PGM1: variants seen among roughly 807,000 people sequenced by gnomAD.
The protein encoded by PGM1 is phosphoglucomutase 1.
A neutral mutation model predicts 55.6 loss-of-function variants in PGM1; 52 were observed. The observed-to-expected ratio is 0.94, with a 90% CI of 0.75 to 1.18. The LOEUF (loss-of-function observed/expected upper bound fraction) is 1.18. PGM1 is among the 50% of genes most tolerant of loss of function. The pLI, the probability that PGM1 is intolerant of heterozygous loss-of-function variation, is 0.00. For synonymous variants in PGM1, 287 were observed against 271.7 expected, an observed-to-expected ratio of 1.06 and a Z score of -0.55; for missense variants, 724 against 729.3, an observed-to-expected ratio of 0.99 and a Z score of 0.08.
chr1:63,648,623 G>A lies in PGM1; in HGVS notation c.1251G>A (p.Trp417Ter). The A allele has an allele frequency of 6.2e-7, 1 of 1,614,074 alleles. No individual in the cohort carries two copies. Among genetic ancestry groups the A allele is most frequent in the South Asian group, 1.1e-5 (1 of 91,080 alleles). ...TGGAGGACATTCTCAAAGATCATTG[G>A]CAAAAGTATGGCCGGAATTTCTTCA... The part of the protein sequence containing the change: ...QSVEDILKDH[W>*]QKYGRNFFTR... The change falls in exon 8 of 11, where the codon TGG (tryptophan) becomes TGA (stop). Residue 417 changes from tryptophan to a stop codon, truncating the protein, a stop_gained. Transcript: ENST00000371084. LOFTEE classifies it high-confidence loss of function.
chr1:63,636,818 A>C (rs537669947), intron 6 of PGM1, among the ~76,000 whole-genome samples: 2 of 152,350 alleles, frequency 1.3e-5, no homozygotes, highest in South Asian at 4.1e-4. Context: ...CAATGGAAGT[A>C]CTCAAGACAT....
chr1:63,613,532 C>T (rs1197651462), intron 1 of PGM1, among the ~76,000 whole-genome samples: 1 of 151,894 alleles, frequency 6.6e-6, no homozygotes, highest in Admixed American at 6.6e-5. Context: ...GCATTCTTCC[C>T]TATGTATCTC....
chr1:63,623,656 G>A (rs1648945234), intron 1 of PGM1: 24 of 1,612,314 alleles, frequency 1.5e-5, no homozygotes, highest in Non-Finnish European at 2.0e-5. Flanking sequence ...CTTTTCCATA[G>A]ACCTAAAAGA....
At chr1:63,631,303 G>A (rs1425276313) in intron 3 of PGM1, among the ~76,000 whole-genome samples, 1 of 152,180 alleles carries the variant, frequency 6.6e-6, no homozygotes, top group African/African-American at 2.4e-5. Context: ...TCAAGATGAC[G>A]AATGGGGAAG....
rs769253396 is a variant in PGM1, at chr1:63,623,497, A to G, written c.247-5928A>G. On this transcript the variant is annotated intron_variant, in intron 1 of 10. Coordinates refer to ENST00000371084, the MANE Select transcript of PGM1 (RefSeq NM_002633.3). Reference sequence around the variant, plus strand: ...TGAAGAATGGATTTCTGGGACATATAGAAAAATGGAAGAAGGTCCTCTCCC... The same window carrying G: ...TGAAGAATGGATTTCTGGGACATATGGAAAAATGGAAGAAGGTCCTCTCCC... 5 of 1,612,642 alleles carry G rather than the reference A, an allele frequency of 3.1e-6. No homozygotes were observed. The South Asian group carries it at 3.3e-5, about 11-fold the overall frequency.
At chr1:63,621,174 T>C (rs1570486148) in intron 1 of PGM1, among the ~76,000 whole-genome samples, 1 of 152,168 alleles carries the variant, frequency 6.6e-6, no homozygotes, top group East Asian at 1.9e-4. Flanking sequence ...TGGTATAGTT[T>C]TGCATATTGA....
In PGM1 at chr1:63,593,644, GC is replaced by G. The variant is rs917119835; in HGVS notation, c.157del (p.Gln53ArgfsTer15). 57 of 1,610,854 alleles carry G rather than the reference GC, an allele frequency of 3.5e-5. No homozygotes were observed. Among genetic ancestry groups the G allele is most frequent in the Non-Finnish European group, 4.3e-5 (51 of 1,178,924 alleles). On this transcript the variant is annotated frameshift_variant, in exon 1 of 11. Transcript: ENST00000371084. LOFTEE classifies it high-confidence loss of function. ...TCTCCACCGTGGAGCCGGCGCAGCG[GC>G]AGGAGGCCACGCTGGTGGTGGGCGG... The part of the protein sequence containing the change: ...IISTVEPAQR[Q>X]EATLVVGGDG...
chr1:63,649,379 G>A (rs1485591625), intron 8 of PGM1, among the ~76,000 whole-genome samples: 1 of 152,154 alleles, frequency 6.6e-6, no homozygotes, highest in African/African-American at 2.4e-5. Context: ...TTTGACAGTA[G>A]TACTTTTCAC....
intron 1 of PGM1, among the ~76,000 whole-genome samples, chr1:63,619,304 G>A (rs1418696088): frequency 6.6e-6 from 1 of 152,236 alleles, no homozygotes; most frequent in Non-Finnish European, 1.5e-5. Flanking sequence ...TGAGTAGAAA[G>A]CACAGTATGG....
At chr1:63,640,945 T>G (rs1480153345) in intron 7 of PGM1, among the ~76,000 whole-genome samples, 2 of 152,202 alleles carry the variant, frequency 1.3e-5, no homozygotes, top group East Asian at 1.9e-4. Context: ...TTATTTCTAG[T>G]GATTAGGACA....
At chr1:63,614,690 G>A (rs996600788) in intron 1 of PGM1, among the ~76,000 whole-genome samples, 1 of 152,080 alleles carries the variant, frequency 6.6e-6, no homozygotes, top group African/African-American at 2.4e-5. Flanking sequence ...ATGATATACA[G>A]ACAGTTCACT....
intron 1 of PGM1, among the ~76,000 whole-genome samples, chr1:63,604,959 G>GTGTGTGTGTGTGTGTGTATT (rs58900430): frequency 7.4e-6 from 1 of 134,236 alleles, no homozygotes; most frequent in Admixed American, 7.2e-5. Flanking sequence ...GTGTGTGTGT[G>GTGTGTGTGTGTGTGTGTATT]TAAAGAGAGG....
At chr1:63,628,027 A>G (rs1649085130) in intron 1 of PGM1, among the ~76,000 whole-genome samples, 1 of 152,056 alleles carries the variant, frequency 6.6e-6, no homozygotes, top group Admixed American at 6.6e-5. Flanking sequence ...TTGCTGCTGG[A>G]TGGAGGCAAG....
chr1:63,608,583 T>G (rs756989627), intron 1 of PGM1, among the ~76,000 whole-genome samples: 4 of 152,192 alleles, frequency 2.6e-5, no homozygotes, highest in African/African-American at 4.8e-5. Flanking sequence ...AATAAAACTA[T>G]TAGGTTATAC....
At chr1:63,605,607 T>C (rs116775702) in intron 1 of PGM1, among the ~76,000 whole-genome samples, 44 of 152,220 alleles carry the variant, frequency 2.9e-4, no homozygotes, top group Non-Finnish European at 4.7e-4. Flanking sequence ...AGACAGGGTC[T>C]CACTCTGCCA....
At chr1:63,635,125 G>A (rs1022295497) in intron 5 of PGM1, 106 bp downstream of exon 5, 6 of 930,698 alleles carry the variant, frequency 6.4e-6, no homozygotes, top group Middle Eastern at 3.2e-4. Flanking sequence ...TAACTGTTAA[G>A]GATCCCTCAT....
At chr1:63,629,291 A>C in intron 1 of PGM1, 134 bp from the exon 2 acceptor site, 28 of 797,422 alleles carry the variant, frequency 3.5e-5, no homozygotes, top group Non-Finnish European at 4.9e-5. Context: ...TTTTTATTAA[A>C]TAAAATCTTT....
At chr1:63,598,759 A>G (rs1021706548) in intron 1 of PGM1, among the ~76,000 whole-genome samples, 11 of 152,340 alleles carry the variant, frequency 7.2e-5, no homozygotes, top group East Asian at 1.9e-4. Flanking sequence ...AAGCATCCCA[A>G]GTTAAGAACC....
intron 1 of PGM1, among the ~76,000 whole-genome samples, chr1:63,600,562 A>G (rs1648213865): frequency 1.3e-5 from 2 of 152,188 alleles, no homozygotes; most frequent in Admixed American, 1.3e-4. Flanking sequence ...GTGTCAAATG[A>G]AGATAAGTTC....
Sources: gnomAD v4.1 joint callset for allele counts (sites outside exome capture counted in the v4.1 genomes callset) on GRCh38, gnomAD v4.1.1 for gene constraint, MANE v1.5 for transcripts, NCBI Gene and HGNC (gene_info 2026-07-23, HGNC 2026-07-21) for gene names.